Variants in HAAO observed in about 807,000 individuals in gnomAD.
The protein encoded by HAAO is 3-hydroxyanthranilate oxygenase.
In HAAO, 49 loss-of-function variants were observed where a neutral mutation model predicts 46.2. The observed-to-expected ratio is 1.06, with a 90% CI of 0.84 to 1.34. The LOEUF (loss-of-function observed/expected upper bound fraction) is 1.34, where lower values mean the gene tolerates loss of function less well. HAAO is among the 40% of genes most tolerant of loss of function. The probability of loss-of-function intolerance (pLI) is 0.00; values close to 1 mark genes in which losing one functional copy is unlikely to be tolerated. For missense variants in HAAO, 408 were observed against 364.5 expected, an observed-to-expected ratio of 1.12 and a Z score of -0.97; for synonymous variants, 157 against 145.2, an observed-to-expected ratio of 1.08 and a Z score of -0.58.
intron 4 of HAAO, among the ~76,000 whole-genome samples, chr2:42,771,610 A>C (rs1326184958): frequency 6.6e-6 from 1 of 152,158 alleles, no homozygotes; most frequent in East Asian, 1.9e-4. Context: ...TAGACCCCTA[A>C]AGCCCACCCC....
In HAAO at chr2:42,786,319, C is replaced by A. The variant is rs139196919; in HGVS notation, c.159+2210G>T. 2.1e-4 allele frequency among the ~76,000 whole-genome samples: 32 copies of A among 152,188 alleles called. No individual in the cohort carries two copies. In the East Asian group the frequency reaches 6.0e-3, roughly 28 times the overall value. On this transcript the variant is annotated intron_variant, in intron 2 of 9. Transcript: ENST00000294973. ...AAAATCCTGAACAGCTGTGGGCAAT[C>A]CTAAAGGAATTATGCTCAGTTTGGA...
In HAAO at chr2:42,767,456, C is replaced by G. The variant is rs1210372372; in HGVS notation, c.842G>C (p.Cys281Ser). ...AGAGGGTCACCCCAGGGGCTTCTTGCAGGCAGGGTCCTGGGTCACAGACAG... is the reference window on the plus strand; with the variant it reads ...AGAGGGTCACCCCAGGGGCTTCTTGGAGGCAGGGTCCTGGGTCACAGACAG... ...VALSVTQDPA[C>S]KKPLG The change falls in exon 10 of 10, where the codon TGC (cysteine) becomes TCC (serine). Residue 281 changes from cysteine to serine, a missense_variant. Transcript: ENST00000294973. 2.5e-6 allele frequency: 4 copies of G among 1,612,796 alleles called. No individual in the cohort carries two copies. Among genetic ancestry groups the G allele is most frequent in the Admixed American group, 1.7e-5 (1 of 59,902 alleles).
chr2:42,779,695 T>C (rs114822228), intron 4 of HAAO, among the ~76,000 whole-genome samples: 1,648 of 152,346 alleles, frequency 0.011, 35 homozygotes, highest in African/African-American at 0.038. Context: ...TCACCTTTTT[T>C]GAAATCCTTG....
chr2:42,779,518 C>A (rs906599042), intron 4 of HAAO, among the ~76,000 whole-genome samples: 1 of 152,242 alleles, frequency 6.6e-6, no homozygotes, highest in South Asian at 2.1e-4. Flanking sequence ...GGCGGGGTTT[C>A]ACCATGTTGG....
rs1186250583 is a variant in HAAO at position 42,767,639 on chromosome 2, C to G, written c.738G>C (p.Leu246=). Reference sequence around the variant, plus strand: ...GGAGGCTGTCATCAGGGGCCAGGCTCAGGCGCCGTCCCCCCATTGTCACCA... The same window carrying G: ...GGAGGCTGTCATCAGGGGCCAGGCTGAGGCGCCGTCCCCCCATTGTCACCA... The part of the protein sequence containing the change: ...SSVVTMGGRR[L]SLAPDDSLLV... The change falls in exon 9 of 10, where the codon CTG becomes CTC. Residue 246 remains leucine, a synonymous_variant. Transcript: ENST00000294973. 2 of 1,569,820 alleles carry G rather than the reference C, an allele frequency of 1.3e-6. No individual in the cohort carries two copies. The highest frequency in any genetic ancestry group is 3.8e-5 in the Admixed American group (2 of 52,844).
At chr2:42,769,594 T>C in intron 7 of HAAO, 119 bp downstream of exon 7, 1 of 673,902 alleles carries the variant, frequency 1.5e-6, no homozygotes, top group South Asian at 1.9e-5. Context: ...TGTGTGTGTG[T>C]GTGTGTGTGT....
At position 42,767,433 on chromosome 2, in the gene HAAO, A is replaced by G; in HGVS notation, c.*4T>C. 6.2e-7 allele frequency: 1 copy of G among 1,608,996 alleles called. No homozygotes were observed. Among genetic ancestry groups the G allele is most frequent in the Non-Finnish European group, 8.5e-7 (1 of 1,176,658 alleles). On this transcript the variant is annotated 3_prime_UTR_variant, in exon 10 of 10. Transcript: ENST00000294973. The stretch of plus-strand genomic sequence containing the variant: ...TGTGGCTGCTTCAGGCCATGGCAAG[A>G]GGGTCACCCCAGGGGCTTCTTGCAG...
intron 4 of HAAO, among the ~76,000 whole-genome samples, chr2:42,776,734 G>C (rs1671605732): frequency 6.7e-6 from 1 of 150,014 alleles, no homozygotes; most frequent in Non-Finnish European, 1.5e-5. Context: ...TTGGGTTCAA[G>C]CAATTCTCTG....
At chr2:42,770,906 G>A (rs1671063057) in intron 4 of HAAO, among the ~76,000 whole-genome samples, 1 of 152,232 alleles carries the variant, frequency 6.6e-6, no homozygotes, top group Non-Finnish European at 1.5e-5. Context: ...GGATTACACA[G>A]CCTGTAAGTG....
intron 4 of HAAO, among the ~76,000 whole-genome samples, chr2:42,774,098 T>A (rs1197671005): frequency 6.6e-6 from 1 of 152,236 alleles, no homozygotes; most frequent in African/African-American, 2.4e-5. Flanking sequence ...CCAATGTTCA[T>A]CTTACATATG....
At chr2:42,771,639 G>T (rs1429105078) in intron 4 of HAAO, among the ~76,000 whole-genome samples, 1 of 152,200 alleles carries the variant, frequency 6.6e-6, no homozygotes, top group Non-Finnish European at 1.5e-5. Context: ...GCCTGGCTCA[G>T]TGAGCTCCTC....
intron 6 of HAAO, 131 bp from the exon 7 acceptor site, chr2:42,769,989 G>T: frequency 8.4e-7 from 1 of 1,185,818 alleles, no homozygotes; most frequent in Non-Finnish European, 1.2e-6. Context: ...TGATCAAGCA[G>T]CCATGTGGGA....
intron 4 of HAAO, among the ~76,000 whole-genome samples, chr2:42,772,445 C>T (rs1671206718): frequency 6.7e-6 from 1 of 149,464 alleles, no homozygotes; most frequent in Admixed American, 6.7e-5. Flanking sequence ...TGTACCACTG[C>T]ACTCCAGCCT....
chr2:42,791,411 T>C (rs1672789132), intron 1 of HAAO, among the ~76,000 whole-genome samples: 1 of 152,056 alleles, frequency 6.6e-6, no homozygotes, highest in Non-Finnish European at 1.5e-5. Context: ...GAGGCAAAGA[T>C]GATGCTACAT....
chr2:42,770,444 A>G (rs1192877687), intron 5 of HAAO, 49 bp downstream of exon 5: 5 of 1,323,716 alleles, frequency 3.8e-6, no homozygotes, highest in Non-Finnish European at 5.2e-6. Flanking sequence ...TCAGGTGCTG[A>G]TGCAGAGCCC....
chr2:42,792,400 G>C, intron 1 of HAAO, 57 bp downstream of exon 1: 1 of 958,916 alleles, frequency 1.0e-6, no homozygotes, highest in Non-Finnish European at 1.6e-6. Context: ...TGAGGGCGCA[G>C]ATGGAGGAGG....
chr2:42,786,019 G>C (rs1392668526), intron 2 of HAAO, among the ~76,000 whole-genome samples: 5 of 58,016 alleles, frequency 8.6e-5, no homozygotes, highest in Non-Finnish European at 2.2e-4. Flanking sequence ...CTGTGTGTGT[G>C]TGTGTGTGTG....
intron 1 of HAAO, 140 bp from the exon 2 acceptor site, chr2:42,788,747 C>A: frequency 1.5e-6 from 1 of 679,762 alleles, no homozygotes; most frequent in Non-Finnish European, 2.7e-6. Context: ...TCCCTGTTCC[C>A]CAACTCTCAT....
intron 2 of HAAO, 45 bp downstream of exon 2, chr2:42,788,484 C>A: frequency 8.0e-7 from 1 of 1,249,326 alleles, no homozygotes; most frequent in Non-Finnish European, 1.2e-6. Context: ...TAGGGCCAGG[C>A]TCCTTGCCCG....
Sources: gnomAD v4.1 joint callset for allele counts (sites outside exome capture counted in the v4.1 genomes callset) on GRCh38, gnomAD v4.1.1 for gene constraint, MANE v1.5 for transcripts, NCBI Gene and HGNC (gene_info 2026-07-23, HGNC 2026-07-21) for gene names.